C22orf23: variants seen among roughly 807,000 people sequenced by gnomAD.
C22orf23 encodes the protein UPF0193 protein EVG1.
In C22orf23, 30 loss-of-function variants were observed where a neutral mutation model predicts 29.7. The observed-to-expected ratio is 1.01, with a 90% CI of 0.76 to 1.37. C22orf23 has a LOEUF of 1.37. Ranked by LOEUF, C22orf23 falls within the 40% of genes most tolerant of loss-of-function variation. The pLI is 0.00. For missense variants in C22orf23, 237 were observed against 273.1 expected, an observed-to-expected ratio of 0.87 and a Z score of 0.93; for synonymous variants, 90 against 96.1, an observed-to-expected ratio of 0.94 and a Z score of 0.37.
intron 3 of C22orf23, among the ~76,000 whole-genome samples, chr22:37,949,379 G>A (rs1214199398): frequency 6.6e-6 from 1 of 151,086 alleles, no homozygotes; most frequent in African/African-American, 2.4e-5. Context: ...CACCTCCTGG[G>A]TACAAGCGAT....
intron 5 of C22orf23, 149 bp from the exon 6 acceptor site, chr22:37,944,666 C>T: frequency 1.5e-6 from 1 of 654,226 alleles, no homozygotes; most frequent in Non-Finnish European, 2.6e-6. Context: ...TTTGGGAGGC[C>T]AAGGCAGGTG....
chr22:37,944,068 G>A lies in C22orf23; in HGVS notation c.*107C>T, dbSNP rs1168248680. The stretch of plus-strand genomic sequence containing the variant: ...GGGCAGTGCTATGCCACCACCTGAC[G>A]TGGCAGAAGGCTGGTAGGATGGGCT... On this transcript the variant is annotated 3_prime_UTR_variant, in exon 7 of 7. Coordinates refer to ENST00000403305, the MANE Select transcript of C22orf23 (RefSeq NM_032561.5). The A allele has an allele frequency of 1.2e-5, 12 of 1,027,782 alleles. No homozygotes were observed. The highest frequency in any genetic ancestry group is 4.7e-5 in the African/African-American group (3 of 63,624). 63.7% of individuals were successfully genotyped at this position (1,027,782 alleles called of 1,614,324 possible). A position where few individuals can be genotyped will look rare whatever the true frequency, so the allele number is the denominator to read the frequency against.
chr22:37,949,449 ATTTT>A (rs71195070), intron 3 of C22orf23, among the ~76,000 whole-genome samples: 215 of 70,920 alleles, frequency 3.0e-3, no homozygotes, highest in Middle Eastern at 8.8e-3. Context: ...CGCCTGGCTA[ATTTT>A]TTTTTTTTTT....
Position 37,945,185 on chromosome 22 carries a change from A to G in C22orf23, c.350-12T>C, listed in dbSNP as rs755309403. The G allele has an allele frequency of 5.6e-6, 9 of 1,608,174 alleles. No individual in the cohort carries two copies. Among genetic ancestry groups the G allele is most frequent in the Non-Finnish European group, 7.6e-6 (9 of 1,177,986 alleles). On this transcript the variant is annotated splice_polypyrimidine_tract_variant and intron_variant, in intron 4 of 6. Transcript: ENST00000403305. Reference sequence around the variant, plus strand: ...CTTCTCCAAATCCCCTGTAGGGCCAAAAAGAAATGGCCTAGTTAGGCTGTA... The same window carrying G: ...CTTCTCCAAATCCCCTGTAGGGCCAGAAAGAAATGGCCTAGTTAGGCTGTA...
intron 1 of C22orf23, 57 bp from the exon 2 acceptor site, chr22:37,953,215 C>G: frequency 1.6e-6 from 2 of 1,226,736 alleles, no homozygotes; most frequent in Non-Finnish European, 2.4e-6. Flanking sequence ...AATCTCTGTT[C>G]CCCGACGCCC....
At chr22:37,952,959 C>T in intron 2 of C22orf23, 88 bp downstream of exon 2, 1 of 918,762 alleles carries the variant, frequency 1.1e-6, no homozygotes, top group East Asian at 2.4e-5. Context: ...GAAACCATTC[C>T]CCACACCTCC....
chr22:37,944,020 T>G lies in C22orf23; in HGVS notation c.*155A>C, dbSNP rs1930541963. ...CATTCCGGGGCAGGGGCTAGGCTGC[T>G]GAGTATGCCTTGGGGTACTGCAGGG... On this transcript the variant is annotated 3_prime_UTR_variant, in exon 7 of 7. Transcript: ENST00000403305. The G allele has an allele frequency of 2.8e-6, 2 of 706,116 alleles. No individual in the cohort carries two copies. The highest frequency in any genetic ancestry group is 3.2e-5 in the South Asian group (2 of 61,946). 43.7% of individuals were successfully genotyped at this position (706,116 alleles called of 1,614,324 possible). A position where few individuals can be genotyped will look rare whatever the true frequency, so the allele number is the denominator to read the frequency against.
intron 3 of C22orf23, among the ~76,000 whole-genome samples, chr22:37,949,285 T>G (rs1233649906): frequency 8.0e-6 from 1 of 124,968 alleles, no homozygotes; most frequent in Non-Finnish European, 1.6e-5. Flanking sequence ...CCATCCATTG[T>G]TTTTTTTTTT....
At position 37,950,571 on chromosome 22, in the gene C22orf23, G is replaced by C. The variant is rs539067761; in HGVS notation, c.166+889C>G. Among the ~76,000 whole-genome samples, 53 of 152,194 alleles carry C rather than the reference G, an allele frequency of 3.5e-4. 2 individuals carry two copies. In the South Asian group the frequency reaches 0.01, roughly 29 times the overall value. ...TCCTCCCACCTCAACCTCCTGAGTAGCTGGGACTACAGGTTGGCACCACCA... is the reference window on the plus strand; with the variant it reads ...TCCTCCCACCTCAACCTCCTGAGTACCTGGGACTACAGGTTGGCACCACCA... On this transcript the variant is annotated intron_variant, in intron 3 of 6. Coordinates refer to ENST00000403305, the MANE Select transcript of C22orf23 (RefSeq NM_032561.5).
intron 6 of C22orf23, 52 bp downstream of exon 6, chr22:37,944,365 G>T: frequency 6.2e-7 from 1 of 1,613,326 alleles, no homozygotes; most frequent in Non-Finnish European, 8.5e-7. Flanking sequence ...ATTTCCATTC[G>T]CACTTGGCGC....
chr22:37,951,568 T>C lies in C22orf23; in HGVS notation c.104-46A>G. On this transcript the variant is annotated intron_variant, in intron 2 of 6. Coordinates refer to ENST00000403305, the MANE Select transcript of C22orf23 (RefSeq NM_032561.5). ...TGAGGCCTCTTGGGCTGCAGGCGGA[T>C]GCCTTCACCTGACACCCTACTGAAA... 3 of 1,525,814 alleles carry C rather than the reference T, an allele frequency of 2.0e-6. No homozygotes were observed. In the South Asian group the frequency reaches 3.4e-5, roughly 17 times the overall value. 94.5% of individuals were successfully genotyped at this position (1,525,814 alleles called of 1,614,324 possible). A position where few individuals can be genotyped will look rare whatever the true frequency, so the allele number is the denominator to read the frequency against.
chr22:37,947,461 C>T lies in C22orf23; in HGVS notation c.169G>A (p.Gly57Arg), dbSNP rs750458833. Residue 57 changes from glycine (G) to arginine (R), a missense_variant and splice_region_variant, in exon 4 of 7, where the codon GGA (glycine) becomes AGA (arginine). Coordinates refer to ENST00000403305, the MANE Select transcript of C22orf23 (RefSeq NM_032561.5). ...QRHIMDIMKR[G>R]DALPLQCSPT... ...CTGCACTGTAGGGGCAAAGCATCTC[C>T]TCCTGGGGAACGAAGAGTTGGGGTG... 6.5e-7 allele frequency: 1 copy of T among 1,547,200 alleles called. No homozygotes were observed. Among genetic ancestry groups the T allele is most frequent in the Non-Finnish European group, 8.7e-7 (1 of 1,147,934 alleles).
chr22:37,944,032 G>T lies in C22orf23; in HGVS notation c.*143C>A. 1 of 755,632 alleles carries T rather than the reference G, an allele frequency of 1.3e-6. No individual in the cohort carries two copies. The highest frequency in any genetic ancestry group is 2.3e-6 in the Non-Finnish European group (1 of 426,496). 46.8% of individuals were successfully genotyped at this position (755,632 alleles called of 1,614,324 possible). ...GGGGCTAGGCTGCTGAGTATGCCTT[G>T]GGGTACTGCAGGGCAGTGCTATGCC... On this transcript the variant is annotated 3_prime_UTR_variant, in exon 7 of 7. Transcript: ENST00000403305.
chr22:37,953,040 G>T lies in C22orf23; in HGVS notation c.103+7C>A. On this transcript the variant is annotated splice_region_variant and intron_variant, in intron 2 of 6. Transcript: ENST00000403305. The stretch of plus-strand genomic sequence containing the variant: ...AAAGGCTGGGATCGCTGCTTTAACG[G>T]ACTGACCTCTGAGCAGCTCGCAGGT... 6.2e-7 allele frequency: 1 copy of T among 1,607,178 alleles called. No homozygotes were observed. Among genetic ancestry groups the T allele is most frequent in the Non-Finnish European group, 8.5e-7 (1 of 1,175,810 alleles).
chr22:37,952,963 C>T, intron 2 of C22orf23, 84 bp downstream of exon 2: 1 of 948,052 alleles, frequency 1.1e-6, no homozygotes. Context: ...CCATTCCCCA[C>T]ACCTCCGTCA....
chr22:37,947,448 G>T lies in C22orf23; in HGVS notation c.182C>A (p.Pro61His). Reference sequence around the variant, plus strand: ...GCTGGATGTTGGGCTGCACTGTAGGGGCAAAGCATCTCCTCCTGGGGAACG... The same window carrying T: ...GCTGGATGTTGGGCTGCACTGTAGGTGCAAAGCATCTCCTCCTGGGGAACG... ...MDIMKRGDAL[P>H]LQCSPTSSQR... The change falls in exon 4 of 7, where the codon CCC becomes CAC. Residue 61 changes from proline (P) to histidine (H), a missense_variant. Coordinates refer to ENST00000403305, the MANE Select transcript of C22orf23 (RefSeq NM_032561.5). The T allele has an allele frequency of 6.3e-7, 1 of 1,589,022 alleles. No homozygotes were observed. Among genetic ancestry groups the T allele is most frequent in the Non-Finnish European group, 8.6e-7 (1 of 1,166,732 alleles).
intron 4 of C22orf23, among the ~76,000 whole-genome samples, chr22:37,946,040 C>CCT (rs1277447702): frequency 1.3e-5 from 2 of 151,566 alleles, no homozygotes; most frequent in African/African-American, 2.4e-5. Flanking sequence ...GGGCGGATCA[C>CCT]GAGGTCAGGA....
intron 4 of C22orf23, among the ~76,000 whole-genome samples, chr22:37,946,601 C>T (rs905978935): frequency 3.9e-4 from 59 of 149,544 alleles, no homozygotes; most frequent in African/African-American, 1.4e-3. Flanking sequence ...AAAAAAAGGC[C>T]GGGAGCGGTC....
In C22orf23 at chr22:37,943,539, G is replaced by A. The variant is rs1601844429; in HGVS notation, c.*636C>T. 6.4e-6 allele frequency: 1 copy of A among 155,314 alleles called. No homozygotes were observed. Among genetic ancestry groups the A allele is most frequent in the African/African-American group, 2.4e-5 (1 of 41,414 alleles). 9.6% of individuals were successfully genotyped at this position (155,314 alleles called of 1,614,324 possible). A position where few individuals can be genotyped will look rare whatever the true frequency, so the allele number is the denominator to read the frequency against. ...AGAGGGATAATGAACCGTTGCAGAGGTTTATTGAGATCATTAACAGAGTGG... is the reference window on the plus strand; with the variant it reads ...AGAGGGATAATGAACCGTTGCAGAGATTTATTGAGATCATTAACAGAGTGG... On this transcript the variant is annotated 3_prime_UTR_variant, in exon 7 of 7. Transcript: ENST00000403305.
Sources: allele counts gnomAD v4.1 joint callset (sites outside exome capture counted in the v4.1 genomes callset), GRCh38; gene constraint gnomAD v4.1.1; transcripts MANE v1.5; gene names NCBI Gene and HGNC (gene_info 2026-07-23, HGNC 2026-07-21).